Variants in FOXP2 observed in about 807,000 individuals in gnomAD.
The protein encoded by FOXP2 is forkhead box P2.
FOXP2 carries 12 observed loss-of-function variants against 115.8 expected under a neutral mutation model. That is an observed-to-expected ratio of 0.10 (90% CI 0.07 to 0.17). FOXP2 has a LOEUF of 0.17. Among genes scored for constraint, FOXP2 ranks in the 10% least tolerant of loss-of-function variants. The probability of loss-of-function intolerance (pLI) is 1.00; values close to 1 mark genes in which losing one functional copy is unlikely to be tolerated. For synonymous variants in FOXP2, 328 were observed against 297.7 expected (o/e 1.10, Z -1.05); for missense variants, 629 against 843.5 (o/e 0.75, Z 3.15).
chr7:114,311,141 A>C (rs1216652657), intron 2 of FOXP2, among the ~76,000 whole-genome samples: 1 of 152,088 alleles, frequency 6.6e-6, no homozygotes, highest in Admixed American at 6.5e-5. Context: ...TATTTTAGAG[A>C]GATGGTTAAC....
intron 1 of FOXP2, among the ~76,000 whole-genome samples, chr7:114,417,491 A>G (rs1275489864): frequency 6.6e-6 from 1 of 151,946 alleles, no homozygotes; most frequent in Non-Finnish European, 1.5e-5. Flanking sequence ...GCTAATTATG[A>G]TGTAATTTAA....
chr7:114,346,917 C>G (rs1348737496), intron 2 of FOXP2, among the ~76,000 whole-genome samples: 1 of 151,612 alleles, frequency 6.6e-6, no homozygotes, highest in African/African-American at 2.4e-5. Context: ...AGGTTCTCAC[C>G]AGGTTATGGG....
chr7:114,128,191 T>G (rs1791772252), intron 1 of FOXP2, among the ~76,000 whole-genome samples: 1 of 152,210 alleles, frequency 6.6e-6, no homozygotes, highest in African/African-American at 2.4e-5. Context: ...TGTTTCTGTT[T>G]CACAATCATA....
In FOXP2 at chr7:114,521,964, T is replaced by A. The variant is rs1798646767; in HGVS notation, c.169-12653T>A. ...CTAAAATATGCATGCATTTTACAAG[T>A]TTAAAAATATCTAAAGAAACATACT... On this transcript the variant is annotated intron_variant, in intron 2 of 16. Coordinates refer to ENST00000350908, the MANE Select transcript of FOXP2 (RefSeq NM_014491.4). Among the ~76,000 whole-genome samples the A allele has an allele frequency of 3.9e-5, 6 of 152,104 alleles. No individual in the cohort carries two copies. In the South Asian group the frequency reaches 1.2e-3, roughly 32 times the overall value.
At chr7:114,508,079 G>A (rs1390364283) in intron 2 of FOXP2, among the ~76,000 whole-genome samples, 1 of 151,884 alleles carries the variant, frequency 6.6e-6, no homozygotes, top group African/African-American at 2.4e-5. Context: ...CACCCTGAAA[G>A]CATACATACT....
chr7:114,637,761 C>T (rs1028074575), intron 6 of FOXP2, among the ~76,000 whole-genome samples: 3 of 151,830 alleles, frequency 2.0e-5, no homozygotes, highest in African/African-American at 4.8e-5. Flanking sequence ...ATGGGGTGAC[C>T]CTCAGAAGGA....
Position 114,245,750 on chromosome 7 carries a change from CAT to C in FOXP2, c.-101-42268_-101-42267del, listed in dbSNP as rs1240996744. On this transcript the variant is annotated intron_variant, in intron 1 of 17. Coordinates refer to the FOXP2 transcript ENST00000634411. ...TGTTTTCATGTTTATAAGACTTGTA[CAT>C]GTGTTTGTGAATGTTTGTGCACTTT... Among the ~76,000 whole-genome samples, 5 of 152,112 alleles carry C rather than the reference CAT, an allele frequency of 3.3e-5. No homozygotes were observed. In the South Asian group the frequency reaches 1.0e-3, roughly 32 times the overall value.
intron 1 of FOXP2, among the ~76,000 whole-genome samples, chr7:114,105,292 A>G (rs1287032789): frequency 6.6e-6 from 1 of 152,050 alleles, no homozygotes; most frequent in Non-Finnish European, 1.5e-5. Flanking sequence ...AAATAAAGTC[A>G]GTTTGGGGAA....
rs539785080 is a variant in FOXP2, at chr7:114,382,042, G to A, written c.-10-44460G>A. On this transcript the variant is annotated intron_variant, in intron 2 of 17. Transcript: ENST00000634411. ...TAATGGCCCCTGCTTTTGCTAGAATGTCTCTCCCTAACAAGAGAGTGGGGC... is the reference window on the plus strand; with the variant it reads ...TAATGGCCCCTGCTTTTGCTAGAATATCTCTCCCTAACAAGAGAGTGGGGC... 2.0e-5 allele frequency among the ~76,000 whole-genome samples: 3 copies of A among 152,216 alleles called. No homozygotes were observed. In the South Asian group the frequency reaches 6.2e-4, roughly 32 times the overall value.
chr7:114,376,844 A>G (rs1792150097), intron 2 of FOXP2, among the ~76,000 whole-genome samples: 1 of 152,210 alleles, frequency 6.6e-6, no homozygotes, highest in African/African-American at 2.4e-5. Context: ...AGCTGGATAG[A>G]TTGTGAGAAA....
chr7:114,675,802 T>C (rs1310307485), intron 16 of FOXP2, among the ~76,000 whole-genome samples: 1 of 152,134 alleles, frequency 6.6e-6, no homozygotes, highest in Non-Finnish European at 1.5e-5. Flanking sequence ...ATAGTCTATT[T>C]TGATATTTTT....
At chr7:114,120,097 G>C (rs942348976) in intron 1 of FOXP2, among the ~76,000 whole-genome samples, 3 of 152,134 alleles carry the variant, frequency 2.0e-5, no homozygotes, top group Non-Finnish European at 4.4e-5. Context: ...GTAATAGATA[G>C]GATGAGATAA....
chr7:114,325,754 G>A (rs1180018584), intron 2 of FOXP2, among the ~76,000 whole-genome samples: 1 of 151,974 alleles, frequency 6.6e-6, no homozygotes, highest in Admixed American at 6.6e-5. Flanking sequence ...CCGTTCGGTT[G>A]CTGAGATGGG....
At chr7:114,102,161 T>C (rs770746103) in intron 1 of FOXP2, among the ~76,000 whole-genome samples, 1 of 152,092 alleles carries the variant, frequency 6.6e-6, no homozygotes, top group Non-Finnish European at 1.5e-5. Flanking sequence ...GCCATGTATG[T>C]CACTTCTAAG....
intron 3 of FOXP2, among the ~76,000 whole-genome samples, chr7:114,549,708 T>C (rs1227006745): frequency 6.6e-6 from 1 of 152,232 alleles, no homozygotes. Flanking sequence ...TTATCCAGGA[T>C]GAAATTAAAA....
intron 2 of FOXP2, among the ~76,000 whole-genome samples, chr7:114,374,075 G>A (rs112689706): frequency 0.016 from 2,366 of 152,136 alleles, 26 homozygotes; most frequent in African/African-American, 0.028. Flanking sequence ...TTAATTTGAC[G>A]TTTCATAGCC....
chr7:114,352,641 G>A (rs1045916329), intron 2 of FOXP2, among the ~76,000 whole-genome samples: 1 of 152,208 alleles, frequency 6.6e-6, no homozygotes, highest in Non-Finnish European at 1.5e-5. Context: ...TCCTTAGCTT[G>A]TAGTGTGTTT....
At chr7:114,573,043 C>G (rs77408783) in intron 3 of FOXP2, among the ~76,000 whole-genome samples, 12,838 of 151,746 alleles carry the variant, frequency 0.085, 615 homozygotes, top group Middle Eastern at 0.16. Flanking sequence ...ATAGAAAGAG[C>G]ACCAGTATGA....
intron 3 of FOXP2, among the ~76,000 whole-genome samples, chr7:114,535,245 T>G (rs564052861): frequency 3.2e-4 from 49 of 151,820 alleles, no homozygotes; most frequent in African/African-American, 1.1e-3. Flanking sequence ...GTGAAACTGA[T>G]AGTATGTATG....
Sources: allele counts gnomAD v4.1 joint callset (sites outside exome capture counted in the v4.1 genomes callset), GRCh38; gene constraint gnomAD v4.1.1; transcripts MANE v1.5; gene names NCBI Gene and HGNC (gene_info 2026-07-23, HGNC 2026-07-21).